The following RBL2 variants were observed in gnomAD, a reference collection of about 807,000 sequenced individuals.
RBL2 encodes RB transcriptional corepressor like 2.
RBL2 carries 56 observed loss-of-function variants against 126.0 expected under a neutral mutation model. The ratio of observed to expected loss-of-function variants is 0.44; its 90% CI spans 0.36 to 0.56. The LOEUF (loss-of-function observed/expected upper bound fraction) is 0.56, where lower values mean the gene tolerates loss of function less well. Among genes scored for constraint, RBL2 ranks in the 20% least tolerant of loss-of-function variants. The pLI, the probability that RBL2 is intolerant of heterozygous loss-of-function variation, is 0.00. For synonymous variants in RBL2, 454 were observed against 478.5 expected (o/e 0.95, Z 0.67); for missense variants, 1,229 against 1,398.2 (o/e 0.88, Z 1.93).
At position 53,456,333 on chromosome 16, in the gene RBL2, T is replaced by A. The variant is rs550737161; in HGVS notation, c.1179+1491T>A. ...AGGGTTATTAAGAGGAGTGACTGAT[T>A]TACATTTTTAAAGGTCTTCTGGGAA... On this transcript the variant is annotated intron_variant, in intron 8 of 21. Transcript: ENST00000262133. Among the ~76,000 whole-genome samples, 11 of 152,202 alleles carry A rather than the reference T, an allele frequency of 7.2e-5. No individual in the cohort carries two copies. The South Asian group carries it at 1.0e-3, about 14-fold the overall frequency.
Position 53,453,568 on chromosome 16 carries a change from G to C in RBL2, c.883G>C (p.Glu295Gln), listed in dbSNP as rs1386214442. 1 of 1,613,342 alleles carries C rather than the reference G, an allele frequency of 6.2e-7. No individual in the cohort carries two copies. Among genetic ancestry groups the C allele is most frequent in the Admixed American group, 1.7e-5 (1 of 59,992 alleles). ...AGTTTTGGAAGCAAAGGGGATAAAGGAACATTTCTGGAAACCCTATATTAG... is the reference window on the plus strand; with the variant it reads ...AGTTTTGGAAGCAAAGGGGATAAAGCAACATTTCTGGAAACCCTATATTAG... ...GLVLEAKGIK[E>Q]HFWKPYIRKL... Residue 295 changes from glutamate (E) to glutamine (Q), a missense_variant, in exon 6 of 22, where the codon GAA (glutamate) becomes CAA (glutamine). Transcript: ENST00000262133.
chr16:53,481,873 A>G (rs762286131), intron 21 of RBL2, 38 bp downstream of exon 21: 5 of 1,532,560 alleles, frequency 3.3e-6, no homozygotes, highest in East Asian at 2.3e-5. Flanking sequence ...ACTAACCTCA[A>G]AATGCTTCAG....
chr16:53,486,492 A>G (rs1204739704), intron 21 of RBL2, among the ~76,000 whole-genome samples: 1 of 152,210 alleles, frequency 6.6e-6, no homozygotes, highest in Non-Finnish European at 1.5e-5. Context: ...GCTACCAAAC[A>G]TTTAAGGAAG....
chr16:53,479,835 G>C, intron 18 of RBL2, 51 bp from the exon 19 acceptor site: 1 of 1,257,914 alleles, frequency 7.9e-7, no homozygotes, highest in Non-Finnish European at 1.1e-6. Flanking sequence ...ATCACCAAGG[G>C]TGTGCTCAAC....
At chr16:53,466,974 C>A in intron 13 of RBL2, 84 bp from the exon 14 acceptor site, 1 of 859,454 alleles carries the variant, frequency 1.2e-6, no homozygotes, top group Non-Finnish European at 1.8e-6. Flanking sequence ...TGTTAAGATA[C>A]TTTTTCTGCC....
chr16:53,482,726 C>G (rs1431622329), intron 21 of RBL2, among the ~76,000 whole-genome samples: 2 of 150,820 alleles, frequency 1.3e-5, no homozygotes, highest in African/African-American at 2.4e-5. Context: ...AGGAAAATAG[C>G]TTGAACCCAG....
At position 53,470,680 on chromosome 16, in the gene RBL2, C is replaced by T; in HGVS notation, c.2526+17C>T. ...TTTAGAAAGGTAATTTTTCACATAC[C>T]TTATCAGAGCATGAGCTTGGGAAAT... On this transcript the variant is annotated intron_variant, in intron 16 of 21. Transcript: ENST00000262133. The T allele has an allele frequency of 1.2e-6, 2 of 1,613,168 alleles. No homozygotes were observed. Among genetic ancestry groups the T allele is most frequent in the Non-Finnish European group, 1.7e-6 (2 of 1,179,384 alleles).
intron 18 of RBL2, chr16:53,479,530 G>C: frequency 2.1e-6 from 1 of 481,468 alleles, no homozygotes; most frequent in African/African-American, 2.0e-5. Context: ...CATACTGTAG[G>C]TTTAACCAAC....
chr16:53,438,241 G>C (rs944866572), intron 1 of RBL2, among the ~76,000 whole-genome samples: 1 of 151,980 alleles, frequency 6.6e-6, no homozygotes, highest in Non-Finnish European at 1.5e-5. Context: ...CTAGGTACTG[G>C]CACAGCTGGA....
chr16:53,465,589 C>T lies in RBL2; in HGVS notation c.1850C>T (p.Pro617Leu). The stretch of plus-strand genomic sequence containing the variant: ...ATTAGAGACAATGAAAACAGAGTTC[C>T]TACATGTGAAGAGGTTTGTGAAAAT... ...EKIRDNENRV[P>L]TCEEVMPPQN... is the part of the protein sequence containing the mutation. Residue 617 changes from proline to leucine, a missense_variant, in exon 13 of 22, where the codon CCT becomes CTT. Pro to Leu is a moderately conservative substitution (Grantham distance 98). Coordinates refer to ENST00000262133, the MANE Select transcript of RBL2 (RefSeq NM_005611.4). 1.3e-6 allele frequency: 2 copies of T among 1,583,740 alleles called. No individual in the cohort carries two copies. Among genetic ancestry groups the T allele is most frequent in the Non-Finnish European group, 1.7e-6 (2 of 1,169,484 alleles).
chr16:53,470,301 G>C (rs1021159996), intron 15 of RBL2, 82 bp from the exon 16 acceptor site: 2 of 1,565,454 alleles, frequency 1.3e-6, no homozygotes, highest in Non-Finnish European at 8.7e-7. Context: ...GAGAGGGTTT[G>C]GGAGAGCAGA....
intron 1 of RBL2, among the ~76,000 whole-genome samples, chr16:53,436,862 T>G (rs565228172): frequency 6.6e-6 from 1 of 152,258 alleles, no homozygotes; most frequent in African/African-American, 2.4e-5. Context: ...GAGGATAACT[T>G]TTTTAGTATT....
chr16:53,453,373 CTA>C (rs1347138363), intron 5 of RBL2, 77 bp from the exon 6 acceptor site: 11 of 1,318,340 alleles, frequency 8.3e-6, no homozygotes, highest in East Asian at 2.3e-5. Flanking sequence ...TGATTATACT[CTA>C]TGTTTTACAT....
At chr16:53,471,259 T>C (rs1335271541) in intron 17 of RBL2, among the ~76,000 whole-genome samples, 1 of 152,214 alleles carries the variant, frequency 6.6e-6, no homozygotes, top group East Asian at 1.9e-4. Flanking sequence ...CTAGGGTATA[T>C]ACCTAGGAAT....
Position 53,490,725 on chromosome 16 carries a change from A to C in RBL2, c.*425A>C, listed in dbSNP as rs1461654353. On this transcript the variant is annotated 3_prime_UTR_variant, in exon 22 of 22. Coordinates refer to ENST00000262133, the MANE Select transcript of RBL2 (RefSeq NM_005611.4). ...ATAAAAAGCAAAACAAAAATTAGGT[A>C]TTTTGTCCTAAAACACCTGGTAGGA... 6.5e-6 allele frequency: 1 copy of C among 152,932 alleles called. No individual in the cohort carries two copies. Among genetic ancestry groups the C allele is most frequent in the Non-Finnish European group, 1.5e-5 (1 of 68,860 alleles). 9.5% of individuals were successfully genotyped at this position (152,932 alleles called of 1,614,324 possible).
At chr16:53,461,872 C>T (rs1388593033) in intron 10 of RBL2, 22 bp downstream of exon 10, 6 of 1,567,702 alleles carry the variant, frequency 3.8e-6, no homozygotes, top group Non-Finnish European at 5.3e-6. Context: ...CATTGTTATT[C>T]TGCTTTTATG....
intron 21 of RBL2, among the ~76,000 whole-genome samples, chr16:53,487,344 A>G (rs1478413455): frequency 6.6e-6 from 1 of 152,244 alleles, no homozygotes; most frequent in Non-Finnish European, 1.5e-5. Flanking sequence ...GGAAGTATAG[A>G]CACAGAGATC....
chr16:53,443,588 TGATA>T (rs2058036158), intron 3 of RBL2, among the ~76,000 whole-genome samples: 1 of 152,206 alleles, frequency 6.6e-6, no homozygotes, highest in African/African-American at 2.4e-5. Context: ...CTACCTTTCC[TGATA>T]GATAAAGGCA....
At chr16:53,484,412 G>A (rs1961078340) in intron 21 of RBL2, among the ~76,000 whole-genome samples, 1 of 152,062 alleles carries the variant, frequency 6.6e-6, no homozygotes, top group African/African-American at 2.4e-5. Context: ...TTATCTGACT[G>A]GACAAAAAAG....
Sources: allele counts gnomAD v4.1 joint callset (sites outside exome capture counted in the v4.1 genomes callset), GRCh38; gene constraint gnomAD v4.1.1; transcripts MANE v1.5; gene names NCBI Gene and HGNC (gene_info 2026-07-23, HGNC 2026-07-21).